The following KATNAL2 variants were observed in gnomAD, a reference collection of about 807,000 sequenced individuals.
KATNAL2 encodes the protein katanin p60 ATPase-containing subunit A-like 2.
KATNAL2 carries 52 observed loss-of-function variants against 76.3 expected under a neutral mutation model. That is an observed-to-expected ratio of 0.68 (90% CI 0.55 to 0.86). KATNAL2 has a LOEUF of 0.86. Ranked by LOEUF, KATNAL2 falls within the 40% of genes least tolerant of loss-of-function variation. The pLI, the probability that KATNAL2 is intolerant of heterozygous loss-of-function variation, is 0.00. For missense variants in KATNAL2, 660 were observed against 668.9 expected (o/e 0.99, Z 0.15); for synonymous variants, 243 against 244.2 (o/e 1.00, Z 0.05).
chr18:46,926,688 G>T (rs375037334), intron 1 of KATNAL2, among the ~76,000 whole-genome samples: 6 of 152,100 alleles, frequency 3.9e-5, no homozygotes, highest in Admixed American at 6.6e-5. Context: ...AGTGGGGTGT[G>T]AAAGTCTCCC....
At position 47,075,277 on chromosome 18, in the gene KATNAL2, G is replaced by C; in HGVS notation, c.1009G>C (p.Val337Leu). The change falls in exon 14 of 18, where the codon GTG (valine) becomes CTG (leucine). Residue 337 changes from valine (V) to leucine (L), a missense_variant and splice_region_variant. Transcript: ENST00000683218. ...WRGDSEKLVR[V>L]LFELARYHAP... Reference sequence around the variant, plus strand: ...ACTTGCTTGCTTTTCCCCCACCCAGGTGTTATTTGAGCTTGCCCGCTACCA... The same window carrying C: ...ACTTGCTTGCTTTTCCCCCACCCAGCTGTTATTTGAGCTTGCCCGCTACCA... The C allele has an allele frequency of 2.6e-6, 4 of 1,547,046 alleles. No individual in the cohort carries two copies. The highest frequency in any genetic ancestry group is 3.5e-6 in the Non-Finnish European group (4 of 1,154,550).
At chr18:46,933,402 G>A (rs1465779091) in intron 1 of KATNAL2, among the ~76,000 whole-genome samples, 1 of 152,138 alleles carries the variant, frequency 6.6e-6, no homozygotes, top group East Asian at 1.9e-4. Context: ...AGGAGATGAA[G>A]AGGTTAATAA....
chr18:47,059,073 G>A (rs948603903), intron 7 of KATNAL2, among the ~76,000 whole-genome samples: 3 of 152,176 alleles, frequency 2.0e-5, no homozygotes, highest in African/African-American at 7.2e-5. Flanking sequence ...CACAATATCC[G>A]ATTGGTCAAA....
At chr18:46,962,089 G>A (rs185650273) in intron 3 of KATNAL2, among the ~76,000 whole-genome samples, 1 of 152,092 alleles carries the variant, frequency 6.6e-6, no homozygotes, top group South Asian at 2.1e-4. Flanking sequence ...ACTATTTTCA[G>A]CCACTTGAGC....
intron 1 of KATNAL2, among the ~76,000 whole-genome samples, chr18:46,937,606 A>G (rs1568991179): frequency 6.6e-6 from 1 of 152,154 alleles, no homozygotes; most frequent in Non-Finnish European, 1.5e-5. Flanking sequence ...TTACCAATGT[A>G]ACACACAAAT....
At chr18:46,920,054 C>CT in intron 1 of KATNAL2, 1 of 1,289,472 alleles carries the variant, frequency 7.8e-7, no homozygotes, top group Non-Finnish European at 1.0e-6. Context: ...CCCACTGAAA[C>CT]TTACGTGCAG....
At chr18:47,065,997 A>C in intron 10 of KATNAL2, among the ~76,000 whole-genome samples, 1 of 151,818 alleles carries the variant, frequency 6.6e-6, no homozygotes, top group Middle Eastern at 3.4e-3. Context: ...AAATTTAAAA[A>C]ATTTAAAAAA....
In KATNAL2 at chr18:46,917,748, G is replaced by A. The variant is rs1466931316; in HGVS notation, c.-688G>A. 1.0e-5 allele frequency: 2 copies of A among 192,658 alleles called. No individual in the cohort carries two copies. Among genetic ancestry groups the A allele is most frequent in the Non-Finnish European group, 1.9e-5 (2 of 104,748 alleles). 11.9% of individuals were successfully genotyped at this position (192,658 alleles called of 1,614,324 possible). A position where few individuals can be genotyped will look rare whatever the true frequency, so the allele number is the denominator to read the frequency against. On this transcript the variant is annotated 5_prime_UTR_variant, in exon 1 of 18. Coordinates refer to ENST00000683218, the MANE Select transcript of KATNAL2 (RefSeq NM_001387690.1). ...CTGGGTCGCAACTGAGGCGTTATCC[G>A]CGGGCCTGGCCTCGGGAAGTGGCGG...
rs574265545 is a variant in KATNAL2 at position 47,071,953 on chromosome 18, C to CTTTTTTTTTT, written c.1008+2382_1008+2391dup. On this transcript the variant is annotated intron_variant, in intron 13 of 17. Transcript: ENST00000683218. ...GAAACAATTCCTCTCCCAATTTCTT[C>CTTTTTTTTTT]TTTTTTTTTTTTTTTTTTTTTTTTT... Among the ~76,000 whole-genome samples, 12 of 43,956 alleles carry CTTTTTTTTTT rather than the reference C, an allele frequency of 2.7e-4. 3 individuals carry two copies. The highest frequency in any genetic ancestry group is 1.1e-3 in the African/African-American group (9 of 8,348). 28.8% of individuals were successfully genotyped at this position (43,956 alleles called of 152,430 possible). A position where few individuals can be genotyped will look rare whatever the true frequency, so the allele number is the denominator to read the frequency against.
In KATNAL2 at chr18:47,069,269, T is replaced by C. The variant is rs1394738857; in HGVS notation, c.875T>C (p.Leu292Pro). Residue 292 changes from leucine to proline, a missense_variant, in exon 12 of 18, where the codon CTG becomes CCG. By Grantham distance (98) the Leu-to-Pro change is moderately conservative (BLOSUM62 -3). Coordinates refer to ENST00000683218, the MANE Select transcript of KATNAL2 (RefSeq NM_001387690.1). ...GILSPWKGLL[L>P]YGPPGTGKTL... is the part of the protein sequence containing the mutation. ...CTTTCTCCCTGGAAAGGACTACTGC[T>C]GTACGGCCCTCCAGGTAAACACAGC... 6.2e-7 allele frequency: 1 copy of C among 1,610,374 alleles called. No individual in the cohort carries two copies. The highest frequency in any genetic ancestry group is 2.2e-5 in the East Asian group (1 of 44,876).
chr18:47,033,613 G>C (rs377434176), intron 3 of KATNAL2: 3 of 1,614,062 alleles, frequency 1.9e-6, no homozygotes, highest in South Asian at 1.1e-5. Flanking sequence ...AACCCAGTAG[G>C]GGACCTCTCC....
chr18:47,052,309 A>G lies in KATNAL2; in HGVS notation c.123-571A>G, dbSNP rs549355888. On this transcript the variant is annotated intron_variant, in intron 4 of 17. Coordinates refer to ENST00000683218, the MANE Select transcript of KATNAL2 (RefSeq NM_001387690.1). Reference sequence around the variant, plus strand: ...AAGTGCAATGTGTGACTGATTAAAAAATTACCAGAAACAAATAATACATTC... The same window carrying G: ...AAGTGCAATGTGTGACTGATTAAAAGATTACCAGAAACAAATAATACATTC... 1.2e-4 allele frequency among the ~76,000 whole-genome samples: 18 copies of G among 152,340 alleles called. No homozygotes were observed. In the South Asian group the frequency reaches 3.5e-3, roughly 30 times the overall value.
intron 16 of KATNAL2, 34 bp from the exon 17 acceptor site, chr18:47,100,220 C>T: frequency 6.7e-7 from 1 of 1,499,106 alleles, no homozygotes; most frequent in African/African-American, 1.4e-5. Context: ...GCATTCTGCC[C>T]ACTGACCAAT....
At chr18:47,081,750 T>C (rs11664561) in intron 15 of KATNAL2, among the ~76,000 whole-genome samples, 1,938 of 152,326 alleles carry the variant, frequency 0.013, 18 homozygotes, top group Non-Finnish European at 0.023. Context: ...TTCCTTCTTA[T>C]ATGTGCAGGA....
rs2059384487 is a variant in KATNAL2, at chr18:46,946,523, C to T, written c.-43C>T. 1 of 985,460 alleles carries T rather than the reference C, an allele frequency of 1.0e-6. No individual in the cohort carries two copies. Among genetic ancestry groups the T allele is most frequent in the East Asian group, 1.1e-4 (1 of 8,818 alleles). The allele number at this position is 985,460 out of a possible 1,614,324, so 61.0% of individuals were successfully genotyped here. On this transcript the variant is annotated 5_prime_UTR_variant, in exon 2 of 18. Transcript: ENST00000683218. ...TGGGTCGCAAAGACCTGAACAACGGCTGAAATCAAGGACAAATATTATGGT... is the reference window on the plus strand; with the variant it reads ...TGGGTCGCAAAGACCTGAACAACGGTTGAAATCAAGGACAAATATTATGGT...
chr18:47,031,012 T>TCCCCCCCCCCCCCC (rs372151610), intron 3 of KATNAL2, among the ~76,000 whole-genome samples: 1 of 6,624 alleles, frequency 1.5e-4, no homozygotes, highest in African/African-American at 4.8e-4. Context: ...CTCTAGCATC[T>TCCCCCCCCCCCCCC]CCCCCCCCCC....
chr18:46,920,935 A>G (rs1222312999), intron 1 of KATNAL2, among the ~76,000 whole-genome samples: 6 of 152,214 alleles, frequency 3.9e-5, no homozygotes, highest in African/African-American at 1.4e-4. Context: ...CTCTTCTACC[A>G]GAGGAATTCT....
chr18:47,098,920 A>G (rs2063360168), intron 15 of KATNAL2: 1 of 216,028 alleles, frequency 4.6e-6, no homozygotes, highest in East Asian at 1.1e-4. Flanking sequence ...TGTACCCCAA[A>G]TTAAGTCGCA....
At position 46,946,440 on chromosome 18, in the gene KATNAL2, C is replaced by T; in HGVS notation, c.-126C>T. On this transcript the variant is annotated 5_prime_UTR_variant, in exon 2 of 18. Transcript: ENST00000683218. ...AGCAGAATAGATTTCCAAACCTTTACCCTAATCCAGGGAGGAGAAGACGGG... is the reference window on the plus strand; with the variant it reads ...AGCAGAATAGATTTCCAAACCTTTATCCTAATCCAGGGAGGAGAAGACGGG... 1 of 985,430 alleles carries T rather than the reference C, an allele frequency of 1.0e-6. No individual in the cohort carries two copies. The highest frequency in any genetic ancestry group is 1.2e-6 in the Non-Finnish European group (1 of 829,934). The allele number at this position is 985,430 out of a possible 1,614,324, so 61.0% of individuals were successfully genotyped here. A position where few individuals can be genotyped will look rare whatever the true frequency, so the allele number is the denominator to read the frequency against.
Sources: gnomAD v4.1 joint callset for allele counts (sites outside exome capture counted in the v4.1 genomes callset) on GRCh38, gnomAD v4.1.1 for gene constraint, MANE v1.5 for transcripts, NCBI Gene and HGNC (gene_info 2026-07-23, HGNC 2026-07-21) for gene names.